Variants in SDC2 observed in about 807,000 individuals in gnomAD.
SDC2 encodes the protein syndecan 2.
Under a neutral mutation model 22.2 loss-of-function variants are expected in SDC2, and 13 were observed. The observed-to-expected ratio is 0.59, with a 90% CI of 0.38 to 0.93. The LOEUF is 0.93. Ranked by LOEUF, SDC2 falls within the 40% of genes least tolerant of loss-of-function variation. The pLI is 0.00. For missense variants in SDC2, 235 were observed against 246.8 expected (o/e 0.95, Z 0.32); for synonymous variants, 94 against 92.8 (o/e 1.01, Z -0.07).
chr8:96,581,154 A>T (rs1318928623), intron 1 of SDC2, among the ~76,000 whole-genome samples: 2 of 152,254 alleles, frequency 1.3e-5, no homozygotes, highest in Non-Finnish European at 2.9e-5. Flanking sequence ...AATTGTCACT[A>T]GTAAATTACT....
intron 1 of SDC2, among the ~76,000 whole-genome samples, chr8:96,561,227 A>G (rs1226384288): frequency 6.6e-6 from 1 of 152,222 alleles, no homozygotes; most frequent in Non-Finnish European, 1.5e-5. Flanking sequence ...ATGTTTATTT[A>G]CTGTCCAATT....
chr8:96,557,497 T>C (rs1160320741), intron 1 of SDC2, among the ~76,000 whole-genome samples: 2 of 149,432 alleles, frequency 1.3e-5, no homozygotes, highest in Admixed American at 6.7e-5. Context: ...AAATTGGAAA[T>C]CATCATTCTC....
intron 1 of SDC2, among the ~76,000 whole-genome samples, chr8:96,541,449 G>A (rs1212093306): frequency 6.7e-6 from 1 of 148,656 alleles, no homozygotes; most frequent in Non-Finnish European, 1.5e-5. Flanking sequence ...GGAGGTTGCA[G>A]TGAGCCGAGA....
intron 1 of SDC2, among the ~76,000 whole-genome samples, chr8:96,569,132 C>T (rs747272999): frequency 7.2e-5 from 11 of 152,110 alleles, no homozygotes; most frequent in East Asian, 1.9e-4. Context: ...CTCAGCCTCC[C>T]GAGTAGCTAG....
At chr8:96,560,844 G>A (rs1027589933) in intron 1 of SDC2, among the ~76,000 whole-genome samples, 11 of 152,158 alleles carry the variant, frequency 7.2e-5, no homozygotes, top group African/African-American at 2.7e-4. Context: ...GATGGCTCAC[G>A]CTTGTAATCC....
At chr8:96,514,528 CTTCT>C (rs1187878665) in intron 1 of SDC2, among the ~76,000 whole-genome samples, 1 of 152,162 alleles carries the variant, frequency 6.6e-6, no homozygotes, top group Non-Finnish European at 1.5e-5. Context: ...CAGAGCTTTC[CTTCT>C]GAGGCTTAAG....
rs534329507 is a variant in SDC2, at chr8:96,496,833, C to G, written c.60+2502C>G. ...ACTGCCTATGAAAAGGAACTGGTAGCTGTTCCTTTATGGATCCTGGAGGCA... is the reference window on the plus strand; with the variant it reads ...ACTGCCTATGAAAAGGAACTGGTAGGTGTTCCTTTATGGATCCTGGAGGCA... On this transcript the variant is annotated intron_variant, in intron 1 of 4. Transcript: ENST00000302190. 3.9e-5 allele frequency among the ~76,000 whole-genome samples: 6 copies of G among 152,272 alleles called. No individual in the cohort carries two copies. The South Asian group carries it at 1.2e-3, about 32-fold the overall frequency.
chr8:96,501,825 G>C (rs1303033873), intron 1 of SDC2, among the ~76,000 whole-genome samples: 1 of 152,038 alleles, frequency 6.6e-6, no homozygotes, highest in Non-Finnish European at 1.5e-5. Flanking sequence ...TTTAGGGTGT[G>C]GTAGGAGAAA....
chr8:96,523,500 T>C (rs1411141282), intron 1 of SDC2, among the ~76,000 whole-genome samples: 1 of 152,182 alleles, frequency 6.6e-6, no homozygotes, highest in Non-Finnish European at 1.5e-5. Context: ...CCTTTCATTC[T>C]CGGCATTCTG....
intron 1 of SDC2, among the ~76,000 whole-genome samples, chr8:96,511,826 C>T (rs1172689072): frequency 6.6e-6 from 1 of 150,510 alleles, no homozygotes; most frequent in East Asian, 1.9e-4. Flanking sequence ...TCAAGGCTTA[C>T]GTAACTCTCA....
In SDC2 at chr8:96,511,789, A is replaced by ATT. The variant is rs548532271; in HGVS notation, c.60+17475_60+17476dup. On this transcript the variant is annotated intron_variant, in intron 1 of 4. Coordinates refer to ENST00000302190, the MANE Select transcript of SDC2 (RefSeq NM_002998.4). ...CTGGCTGCATCAAGAGGCTTATGTGATTTTTTTTTTTTTTTTTTAATCAGC... is the reference window on the plus strand; with the variant it reads ...CTGGCTGCATCAAGAGGCTTATGTGATTTTTTTTTTTTTTTTTTTTAATCAGC... Among the ~76,000 whole-genome samples the ATT allele has an allele frequency of 9.5e-4, 132 of 138,958 alleles. 1 individual carries two copies. The highest frequency in any genetic ancestry group is 3.2e-3 in the African/African-American group (127 of 39,088). The allele number at this position is 138,958 out of a possible 152,430, so 91.2% of individuals were successfully genotyped here. A position where few individuals can be genotyped will look rare whatever the true frequency, so the allele number is the denominator to read the frequency against.
chr8:96,506,624 C>T (rs762192594), intron 1 of SDC2, among the ~76,000 whole-genome samples: 45 of 152,020 alleles, frequency 3.0e-4, no homozygotes, highest in Non-Finnish European at 5.7e-4. Context: ...CTACAGGCAC[C>T]AGTCCTGGCT....
At chr8:96,551,307 A>G (rs774205549) in intron 1 of SDC2, among the ~76,000 whole-genome samples, 4 of 152,166 alleles carry the variant, frequency 2.6e-5, no homozygotes, top group Non-Finnish European at 4.4e-5. Context: ...CAATTTTCCT[A>G]ATCGAAACTC....
chr8:96,499,619 C>CT (rs1813129311), intron 1 of SDC2, among the ~76,000 whole-genome samples: 1 of 152,168 alleles, frequency 6.6e-6, no homozygotes, highest in Non-Finnish European at 1.5e-5. Context: ...CTCTGAGTCA[C>CT]TTAAAAAAGT....
chr8:96,551,705 G>A (rs1321208666), intron 1 of SDC2, among the ~76,000 whole-genome samples: 2 of 152,216 alleles, frequency 1.3e-5, no homozygotes, highest in Non-Finnish European at 2.9e-5. Flanking sequence ...ATTTATGAGA[G>A]TAGGCAGGTA....
chr8:96,602,336 T>C (rs772237395), intron 2 of SDC2, 59 bp from the exon 3 acceptor site: 162 of 1,557,044 alleles, frequency 1.0e-4, no homozygotes, highest in Non-Finnish European at 1.4e-4. Flanking sequence ...TAGTGCCTGA[T>C]AATGGAGACA....
At chr8:96,549,357 G>A (rs1164093820) in intron 1 of SDC2, among the ~76,000 whole-genome samples, 1 of 152,174 alleles carries the variant, frequency 6.6e-6, no homozygotes, top group African/African-American at 2.4e-5. Context: ...GTGGCTTGGA[G>A]GCTCTGATGT....
chr8:96,605,004 C>T lies in SDC2; in HGVS notation c.306+2476C>T, dbSNP rs1815053715. ...GGCTTGTGCACCTCCAGCTGCAGGG[C>T]GGCTCCAGTTCTGTGGAGTCCTTCA... On this transcript the variant is annotated intron_variant, in intron 3 of 4. Coordinates refer to ENST00000302190, the MANE Select transcript of SDC2 (RefSeq NM_002998.4). Among the ~76,000 whole-genome samples the T allele has an allele frequency of 2.6e-5, 4 of 152,304 alleles. 1 individual carries two copies. The South Asian group carries it at 8.3e-4, about 32-fold the overall frequency.
At chr8:96,608,016 C>A (rs1347605) in intron 3 of SDC2, among the ~76,000 whole-genome samples, 100,061 of 151,830 alleles carry the variant, frequency 0.66, 34,369 homozygotes, top group Non-Finnish European at 0.77. Context: ...TGGTGACCTG[C>A]AGTTAGAAGA....
Sources: gnomAD v4.1 joint callset for allele counts (sites outside exome capture counted in the v4.1 genomes callset) on GRCh38, gnomAD v4.1.1 for gene constraint, MANE v1.5 for transcripts, NCBI Gene and HGNC (gene_info 2026-07-23, HGNC 2026-07-21) for gene names.